ARSH: variants seen among roughly 807,000 people sequenced by gnomAD.
The protein encoded by ARSH is arylsulfatase H.
A neutral mutation model predicts 28.7 loss-of-function variants in ARSH; 32 were observed. The ratio of observed to expected loss-of-function variants is 1.11; its 90% CI spans 0.84 to 1.50. The LOEUF (loss-of-function observed/expected upper bound fraction) is 1.50, where lower values mean the gene tolerates loss of function less well. Ranked by LOEUF, ARSH falls within the 40% of genes most tolerant of loss-of-function variation. The pLI is 0.00. For synonymous variants in ARSH, 176 were observed against 177.3 expected, an observed-to-expected ratio of 0.99 and a Z score of 0.06; for missense variants, 440 against 452.4, an observed-to-expected ratio of 0.97 and a Z score of 0.25.
At chrX:3,019,264 CAAAAAAAAA>C (rs146298584) in intron 5 of ARSH, among the ~76,000 whole-genome samples, 1 of 69,624 alleles carries the variant, frequency 1.4e-5, no homozygotes, top group Non-Finnish European at 2.7e-5. Context: ...GATTCTGTTT[CAAAAAAAAA>C]AAAAAAAAAA....
rs1009243554 is a variant in ARSH at position 3,032,931 on chromosome X, A to C, written c.1322-87A>C. On this transcript the variant is annotated intron_variant, in intron 8 of 8. Coordinates refer to ENST00000381130, the MANE Select transcript of ARSH (RefSeq NM_001011719.2). ...AGAAGAGTATTATCAATCACTAGAA[A>C]AAGCTTTTGAGAAAAACATCTTTAA... 2.9e-6 allele frequency: 3 copies of C among 1,024,770 alleles called. No homozygotes were observed. The Admixed American group carries it at 8.8e-5, about 30-fold the overall frequency. 84.5% of individuals were successfully genotyped at this position (1,024,770 alleles called of 1,213,427 possible). A position where few individuals can be genotyped will look rare whatever the true frequency, so the allele number is the denominator to read the frequency against.
At chrX:3,031,422 G>A (rs1282890504) in intron 8 of ARSH, among the ~76,000 whole-genome samples, 2 of 111,742 alleles carry the variant, frequency 1.8e-5, no homozygotes, top group African/African-American at 6.5e-5. Context: ...TGGAAGTCAT[G>A]CAAACAAATA....
At chrX:3,009,139 G>T (rs1199735803) in intron 1 of ARSH, among the ~76,000 whole-genome samples, 1 of 110,902 alleles carries the variant, frequency 9.0e-6, no homozygotes, top group East Asian at 2.8e-4. Context: ...GAAGCCAGGA[G>T]TTTGAGACCA....
chrX:3,007,009 A>G (rs56373693), intron 1 of ARSH, among the ~76,000 whole-genome samples: 1,184 of 110,384 alleles, frequency 0.011, 18 homozygotes, highest in African/African-American at 0.038. Context: ...TGGAAGGCCA[A>G]GGTGGGAGCA....
intron 7 of ARSH, among the ~76,000 whole-genome samples, chrX:3,028,547 C>T (rs946725117): frequency 9.0e-6 from 1 of 110,606 alleles, no homozygotes; most frequent in Non-Finnish European, 1.9e-5. Context: ...ACATCCTGTG[C>T]TTTAACGATT....
rs760106595 is a variant in ARSH at position 3,029,275 on chromosome X, C to T, written c.1228C>T (p.Leu410=). Residue 410 remains leucine (L), a synonymous_variant, in exon 8 of 9, where the codon CTG becomes TTG. Transcript: ENST00000381130. ...RVIDGQNLMP[L]LEGRASHSDH... ...GATTGACGGCCAGAACCTAATGCCC[C>T]TGCTGGAAGGAAGGGCGTCCCACTC... is the stretch of plus-strand genomic sequence containing the variant. The T allele has an allele frequency of 8.3e-7, 1 of 1,210,417 alleles. No individual in the cohort carries two copies. The highest frequency in any genetic ancestry group is 1.1e-6 in the Non-Finnish European group (1 of 894,996).
chrX:3,026,210 G>A (rs2089898370), intron 6 of ARSH, among the ~76,000 whole-genome samples: 1 of 111,166 alleles, frequency 9.0e-6, no homozygotes, highest in African/African-American at 3.3e-5. Flanking sequence ...GCTCAGGAGG[G>A]AGGCTCGCTT....
chrX:3,032,612 G>A (rs2089917622), intron 8 of ARSH, among the ~76,000 whole-genome samples: 2 of 111,132 alleles, frequency 1.8e-5, no homozygotes, highest in South Asian at 7.6e-4. Flanking sequence ...AGAGACAGAA[G>A]AGGGAGGGAG....
At position 3,015,025 on chromosome X, in the gene ARSH, G is replaced by A. The variant is rs61746890; in HGVS notation, c.396G>A (p.Pro132=). The A allele has an allele frequency of 3.3e-3, 3,981 of 1,209,358 alleles. 4 individuals are homozygous for A. Among genetic ancestry groups the A allele is most frequent in the Non-Finnish European group, 4.3e-3 (3,806 of 895,059 alleles). The change falls in exon 4 of 9, where the codon CCG becomes CCA. Residue 132 remains proline, a synonymous_variant. Transcript: ENST00000381130. ...CTCGGAATGATCACTGTTACCACCC[G>A]CTCAACCATGGTTTTCACTACTTTT... is the stretch of plus-strand genomic sequence containing the variant. ...CASRNDHCYH[P]LNHGFHYFYG... is the part of the protein sequence containing the mutation.
chrX:3,027,103 G>A (rs1350637145), intron 6 of ARSH, among the ~76,000 whole-genome samples: 1 of 110,915 alleles, frequency 9.0e-6, no homozygotes, highest in Non-Finnish European at 1.9e-5. Flanking sequence ...GATTACAGGC[G>A]CCCACCACCA....
At chrX:3,012,579 A>ATATATATATAT (rs1188575121) in intron 2 of ARSH, among the ~76,000 whole-genome samples, 45 of 20,116 alleles carry the variant, frequency 2.2e-3, no homozygotes, top group African/African-American at 9.8e-3. Flanking sequence ...ATATATATAT[A>ATATATATATAT]TATATATATA....
At position 3,006,688 on chromosome X, in the gene ARSH, G is replaced by A. The variant is rs746616858; in HGVS notation, c.76G>A (p.Gly26Ser). 8 of 1,206,559 alleles carry A rather than the reference G, an allele frequency of 6.6e-6. No homozygotes were observed. The South Asian group carries it at 7.1e-5, about 11-fold the overall frequency. The change falls in exon 1 of 9, where the codon GGT (glycine) becomes AGT (serine). Residue 26 changes from glycine to serine, a missense_variant. Transcript: ENST00000381130. Reference sequence around the variant, plus strand: ...TGGAGTGGGGGATTTGTGCTGCTACGGTAATAACTCAGTGAGGTAAAGATG... The same window carrying A: ...TGGAGTGGGGGATTTGTGCTGCTACAGTAATAACTCAGTGAGGTAAAGATG... ...DLGVGDLCCY[G>S]NNSVSTPNID...
chrX:3,027,203 G>A lies in ARSH; in HGVS notation c.1037-110G>A, dbSNP rs1011338536. 1.2e-5 allele frequency: 10 copies of A among 818,668 alleles called. No homozygotes were observed. In the East Asian group the frequency reaches 1.3e-4, roughly 11 times the overall value. The allele number at this position is 818,668 out of a possible 1,213,427, so 67.5% of individuals were successfully genotyped here. On this transcript the variant is annotated intron_variant, in intron 6 of 8. Transcript: ENST00000381130. ...TTGAACTCCTGACCTCAAGTGATCC[G>A]CCCACCTCGGCCCCCCAAAGTGCTG...
chrX:3,022,853 C>T (rs7887666), intron 5 of ARSH, among the ~76,000 whole-genome samples: 14,487 of 110,066 alleles, frequency 0.13, 945 homozygotes, highest in African/African-American at 0.24. Flanking sequence ...CCCTGGAGTA[C>T]GGGGATGGCT....
rs1336789278 is a variant in ARSH at position 3,006,722 on chromosome X, C to T, written c.92+18C>T. ...TCAGTGAGGTAAAGATGGACTCTGACCCCCTCCCTGTATGTGGGAGTCTCC... is the reference window on the plus strand; with the variant it reads ...TCAGTGAGGTAAAGATGGACTCTGATCCCCTCCCTGTATGTGGGAGTCTCC... On this transcript the variant is annotated intron_variant, in intron 1 of 8. Coordinates refer to ENST00000381130, the MANE Select transcript of ARSH (RefSeq NM_001011719.2). 5 of 1,166,288 alleles carry T rather than the reference C, an allele frequency of 4.3e-6. No homozygotes were observed. The highest frequency in any genetic ancestry group is 4.7e-6 in the Non-Finnish European group (4 of 856,514).
Position 3,015,284 on chromosome X carries a change from C to T in ARSH, c.655C>T (p.Arg219Ter), listed in dbSNP as rs375272166. 2.6e-5 allele frequency: 32 copies of T among 1,209,375 alleles called. No homozygotes were observed. Among genetic ancestry groups the T allele is most frequent in the Middle Eastern group, 4.6e-4 (2 of 4,375 alleles). ...TSWYSSYGFT[R>*]RWNCILMRNH... The stretch of plus-strand genomic sequence containing the variant: ...CTGGTACTCTAGTTATGGATTTACT[C>T]GACGTTGGAATTGCATCCTTATGAG... The change falls in exon 4 of 9, where the codon CGA (arginine) becomes TGA (stop). Residue 219 changes from arginine to a stop codon, truncating the protein, a stop_gained. Transcript: ENST00000381130. LOFTEE classifies it high-confidence loss of function.
rs61736013 is a variant in ARSH, at chrX:3,018,609, T to C, written c.840T>C (p.Phe280=). The change falls in exon 5 of 9, where the codon TTT becomes TTC. Residue 280 remains phenylalanine (F), a synonymous_variant. Transcript: ENST00000381130. ...CTCCACTCATCTCCAAAAAGAAGTT[T>C]GTTGGGCGCAGTAAATATGGCAGGT... The part of the protein sequence containing the change: ...VHTPLISKKK[F]VGRSKYGRYG... 473 of 1,209,205 alleles carry C rather than the reference T, an allele frequency of 3.9e-4. 4 individuals carry two copies. The highest frequency in any genetic ancestry group is 1.8e-3 in the Middle Eastern group (8 of 4,352).
intron 6 of ARSH, among the ~76,000 whole-genome samples, chrX:3,026,642 G>A (rs938345258): frequency 1.8e-5 from 2 of 111,243 alleles, no homozygotes; most frequent in Non-Finnish European, 3.8e-5. Flanking sequence ...TTGATCTTAC[G>A]GCAAGGGCTT....
In ARSH at chrX:3,033,151, C is replaced by T. The variant is rs2089919408; in HGVS notation, c.1455C>T (p.Ile485=). 1.7e-6 allele frequency: 2 copies of T among 1,211,459 alleles called. No homozygotes were observed. Among genetic ancestry groups the T allele is most frequent in the Admixed American group, 2.2e-5 (1 of 45,936 alleles). ...TYHDPPLLFD[I]SRDPSEALPL... is the part of the protein sequence containing the mutation. ...ACGACCCACCACTCCTCTTTGACAT[C>T]TCAAGAGACCCTTCAGAAGCCCTTC... is the stretch of plus-strand genomic sequence containing the variant. Residue 485 remains isoleucine, a synonymous_variant, in exon 9 of 9, where the codon ATC becomes ATT. Transcript: ENST00000381130.
Sources: allele counts gnomAD v4.1 joint callset (sites outside exome capture counted in the v4.1 genomes callset), GRCh38; gene constraint gnomAD v4.1.1; transcripts MANE v1.5; gene names NCBI Gene and HGNC (gene_info 2026-07-23, HGNC 2026-07-21).